The following SUMF1 variants were observed in gnomAD, a reference collection of about 807,000 sequenced individuals.
SUMF1 encodes sulfatase modifying factor 1.
In SUMF1, 48 loss-of-function variants were observed where a neutral mutation model predicts 47.6. That is an observed-to-expected ratio of 1.01 (90% CI 0.80 to 1.28). The LOEUF is 1.28. SUMF1 is among the 50% of genes most tolerant of loss of function. The pLI is 0.00. For synonymous variants in SUMF1, 230 were observed against 192.1 expected (o/e 1.20, Z -1.63); for missense variants, 571 against 485.4 (o/e 1.18, Z -1.66).
chr3:4,241,336 C>T (rs962962137), intron 8 of SUMF1, among the ~76,000 whole-genome samples: 15 of 152,120 alleles, frequency 9.9e-5, no homozygotes, highest in Admixed American at 2.0e-4. Context: ...ACTTTTCTTA[C>T]CCTTCATACC....
chr3:4,230,063 C>T (rs755643254), intron 8 of SUMF1, among the ~76,000 whole-genome samples: 3 of 151,492 alleles, frequency 2.0e-5, no homozygotes, highest in South Asian at 2.1e-4. Flanking sequence ...TGAGAATTTA[C>T]GATAGTTTTT....
chr3:4,175,474 A>T (rs1383624607), intron 8 of SUMF1, among the ~76,000 whole-genome samples: 4 of 152,174 alleles, frequency 2.6e-5, no homozygotes, highest in Non-Finnish European at 5.9e-5. Flanking sequence ...AAACTAACAA[A>T]CAAAAAGCAA....
At chr3:4,344,625 TCTC>T (rs1369400856) in intron 8 of SUMF1, among the ~76,000 whole-genome samples, 3 of 152,034 alleles carry the variant, frequency 2.0e-5, no homozygotes, top group African/African-American at 4.8e-5. Flanking sequence ...GCTTGCCTCT[TCTC>T]CTCCAAATGA....
In SUMF1 at chr3:4,095,270, G is replaced by A. The variant is rs1391647502; in HGVS notation, c.1015-26525C>T. 4.0e-5 allele frequency among the ~76,000 whole-genome samples: 6 copies of A among 151,828 alleles called. 1 individual carries two copies. Among genetic ancestry groups the A allele is most frequent in the African/African-American group, 1.5e-4 (6 of 41,268 alleles). On this transcript the variant is annotated intron_variant and NMD_transcript_variant, in intron 8 of 12. Transcript: ENST00000448413. ...ACAGCTTTTAAAACTCTGACCATAGGGCACCATAAGCAACAGAACAAATGG... is the reference window on the plus strand; with the variant it reads ...ACAGCTTTTAAAACTCTGACCATAGAGCACCATAAGCAACAGAACAAATGG...
intron 1 of SUMF1, among the ~76,000 whole-genome samples, chr3:4,456,302 C>T (rs1001480237): frequency 3.3e-5 from 5 of 152,048 alleles, no homozygotes; most frequent in African/African-American, 1.2e-4. Context: ...AGATTCAGAA[C>T]AAGCCAAGGA....
At chr3:4,371,627 G>A (rs1178439055) in intron 8 of SUMF1, among the ~76,000 whole-genome samples, 1 of 152,194 alleles carries the variant, frequency 6.6e-6, no homozygotes, top group Non-Finnish European at 1.5e-5. Context: ...TTTCCTTAAT[G>A]TTGTAGGCTG....
At chr3:4,224,836 CA>C (rs1696139104) in intron 8 of SUMF1, among the ~76,000 whole-genome samples, 1 of 152,048 alleles carries the variant, frequency 6.6e-6, no homozygotes, top group Non-Finnish European at 1.5e-5. Context: ...GAGAGATAAG[CA>C]GGGAAAAAAC....
chr3:4,411,072 A>C (rs1319298592), intron 6 of SUMF1, 94 bp from the exon 7 acceptor site: 20 of 1,015,456 alleles, frequency 2.0e-5, no homozygotes, highest in Non-Finnish European at 3.0e-5. Flanking sequence ...TTAATTTCAG[A>C]GTATGAATGT....
intron 8 of SUMF1, among the ~76,000 whole-genome samples, chr3:4,098,988 T>A (rs1003692076): frequency 3.9e-5 from 6 of 152,086 alleles, no homozygotes; most frequent in African/African-American, 1.5e-4. Context: ...TAGATTTTCT[T>A]ACCCACTAGC....
chr3:4,313,687 G>A (rs1575084514), intron 8 of SUMF1: 2 of 1,613,890 alleles, frequency 1.2e-6, no homozygotes, highest in Non-Finnish European at 1.7e-6. Flanking sequence ...CATCAGTTGT[G>A]GAAATGAGAA....
At position 4,312,894 on chromosome 3, in the gene SUMF1, A is replaced by G. The variant is rs73807002; in HGVS notation, c.1014+63436T>C. 2.5e-3 allele frequency: 3,971 copies of G among 1,600,530 alleles called. 95 individuals are homozygous for G. In the African/African-American group the frequency reaches 0.047, roughly 19 times the overall value. ...CTGACTTACAGTGTGTATATTTTTT[A>G]CAGTACACTCCTGATCATGTAGTTG... On this transcript the variant is annotated intron_variant and NMD_transcript_variant, in intron 8 of 12. Transcript: ENST00000448413.
chr3:4,372,161 C>T (rs1055971568), intron 8 of SUMF1, among the ~76,000 whole-genome samples: 1 of 152,010 alleles, frequency 6.6e-6, no homozygotes. Context: ...ATTAGCTGGG[C>T]GTGGTGGCAC....
chr3:4,155,457 GGA>G (rs1441743508), intron 8 of SUMF1, among the ~76,000 whole-genome samples: 1 of 151,482 alleles, frequency 6.6e-6, no homozygotes, highest in Non-Finnish European at 1.5e-5. Context: ...CACGGACGTA[GGA>G]GCTTTGAAGC....
chr3:4,404,539 C>T (rs759412035), intron 7 of SUMF1, among the ~76,000 whole-genome samples: 14 of 152,158 alleles, frequency 9.2e-5, no homozygotes, highest in African/African-American at 3.4e-4. Context: ...GGGTGAATCA[C>T]CTGATGTCAG....
At chr3:4,407,542 A>G (rs1367605222) in intron 7 of SUMF1, among the ~76,000 whole-genome samples, 1 of 152,194 alleles carries the variant, frequency 6.6e-6, no homozygotes, top group African/African-American at 2.4e-5. Context: ...AACTCCCCCA[A>G]TTCCATATAT....
At chr3:4,239,823 G>C (rs908392624) in intron 8 of SUMF1, among the ~76,000 whole-genome samples, 2 of 152,186 alleles carry the variant, frequency 1.3e-5, no homozygotes, top group African/African-American at 4.8e-5. Flanking sequence ...TAGGAGTGGT[G>C]AGAGAGGGCA....
chr3:4,097,413 C>G (rs1351067982), intron 8 of SUMF1, among the ~76,000 whole-genome samples: 1 of 151,866 alleles, frequency 6.6e-6, no homozygotes, highest in East Asian at 1.9e-4. Context: ...ATTAGCCAGG[C>G]GTGGGGGCAG....
At chr3:4,455,469 A>G (rs1379585843) in intron 1 of SUMF1, among the ~76,000 whole-genome samples, 1 of 152,250 alleles carries the variant, frequency 6.6e-6, no homozygotes, top group Non-Finnish European at 1.5e-5. Flanking sequence ...TAATCCTAGC[A>G]CTTTGGGAGG....
At chr3:4,047,041 G>A (rs982680351) in intron 9 of SUMF1, among the ~76,000 whole-genome samples, 6 of 151,894 alleles carry the variant, frequency 4.0e-5, no homozygotes, top group African/African-American at 4.8e-5. Flanking sequence ...CACACCAAAC[G>A]TATTTCTGCC....
Sources: allele counts gnomAD v4.1 joint callset (sites outside exome capture counted in the v4.1 genomes callset), GRCh38; gene constraint gnomAD v4.1.1; transcripts MANE v1.5; gene names NCBI Gene and HGNC (gene_info 2026-07-23, HGNC 2026-07-21).